Variants in BMPR1B observed in about 807,000 individuals in gnomAD.
BMPR1B encodes bone morphogenetic protein receptor type 1B, also known as bone morphogenetic protein receptor type-1B.
Under a neutral mutation model 59.1 loss-of-function variants are expected in BMPR1B, and 12 were observed. That is an observed-to-expected ratio of 0.20 (90% CI 0.13 to 0.33). The LOEUF is 0.33. Among genes scored for constraint, BMPR1B ranks in the 10% least tolerant of loss-of-function variants. BMPR1B has a pLI of 1.00. For missense variants in BMPR1B, 550 were observed against 610.9 expected (o/e 0.90, Z 1.05); for synonymous variants, 237 against 207.3 (o/e 1.14, Z -1.23).
At chr4:95,100,157 G>A (rs190104299) in intron 3 of BMPR1B, among the ~76,000 whole-genome samples, 1 of 151,962 alleles carries the variant, frequency 6.6e-6, no homozygotes, top group Non-Finnish European at 1.5e-5. Flanking sequence ...CTCTTGGGAT[G>A]GATCTACCAT....
intron 1 of BMPR1B, among the ~76,000 whole-genome samples, chr4:94,834,533 A>AT (rs2044162974): frequency 6.6e-6 from 1 of 151,502 alleles, no homozygotes; most frequent in South Asian, 2.1e-4. Context: ...ACTCTTCAAG[A>AT]TTTTTTCTGG....
intron 10 of BMPR1B, among the ~76,000 whole-genome samples, chr4:95,143,131 C>T (rs1734373624): frequency 1.3e-5 from 2 of 152,174 alleles, no homozygotes; most frequent in Non-Finnish European, 2.9e-5. Context: ...CAAGCAGCCC[C>T]ATGACTTCCC....
At chr4:95,069,396 C>G (rs999013840) in intron 3 of BMPR1B, among the ~76,000 whole-genome samples, 1 of 152,248 alleles carries the variant, frequency 6.6e-6, no homozygotes, top group Non-Finnish European at 1.5e-5. Flanking sequence ...CAAACTGGCA[C>G]CTGTTACTCT....
chr4:94,809,280 C>T (rs1253602493), intron 1 of BMPR1B, among the ~76,000 whole-genome samples: 1 of 152,136 alleles, frequency 6.6e-6, no homozygotes, highest in Non-Finnish European at 1.5e-5. Flanking sequence ...TGAACAGTTT[C>T]TTGCTTCATC....
Position 94,891,284 on chromosome 4 carries a change from A to G in BMPR1B, c.-113+15384A>G, listed in dbSNP as rs1186178712. Reference sequence around the variant, plus strand: ...CAATAAAACTTGGTTCTATGAAACAATCACATCCTCTTTTGAATATTATGA... The same window carrying G: ...CAATAAAACTTGGTTCTATGAAACAGTCACATCCTCTTTTGAATATTATGA... On this transcript the variant is annotated intron_variant, in intron 2 of 12. Coordinates refer to ENST00000515059, the MANE Select transcript of BMPR1B (RefSeq NM_001203.3). Among the ~76,000 whole-genome samples the G allele has an allele frequency of 5.3e-5, 8 of 152,100 alleles. No individual in the cohort carries two copies. The East Asian group carries it at 7.7e-4, about 15-fold the overall frequency.
intron 2 of BMPR1B, among the ~76,000 whole-genome samples, chr4:94,994,079 G>A (rs573314681): frequency 5.3e-5 from 8 of 152,216 alleles, no homozygotes; most frequent in Admixed American, 3.3e-4. Context: ...GTGAAAATTT[G>A]TATATGTCAA....
chr4:94,923,836 T>C (rs1728789142), intron 2 of BMPR1B, among the ~76,000 whole-genome samples: 1 of 152,068 alleles, frequency 6.6e-6, no homozygotes, highest in South Asian at 2.1e-4. Flanking sequence ...CAAAGATAAT[T>C]TGGGTTCTAG....
At chr4:94,952,493 A>G (rs1241756620) in intron 2 of BMPR1B, among the ~76,000 whole-genome samples, 1 of 152,058 alleles carries the variant, frequency 6.6e-6, no homozygotes, top group Non-Finnish European at 1.5e-5. Flanking sequence ...GAACTTATTT[A>G]TTTCTGCCTT....
At chr4:94,956,740 A>G (rs931461300) in intron 2 of BMPR1B, among the ~76,000 whole-genome samples, 2 of 152,104 alleles carry the variant, frequency 1.3e-5, no homozygotes, top group African/African-American at 4.8e-5. Flanking sequence ...CATCAGTAGT[A>G]TTTTTGGCAG....
intron 1 of BMPR1B, among the ~76,000 whole-genome samples, chr4:94,770,701 C>A (rs1167003012): frequency 1.3e-5 from 2 of 151,904 alleles, no homozygotes; most frequent in African/African-American, 2.4e-5. Context: ...AAAATAATTC[C>A]TTTTTTCACT....
intron 1 of BMPR1B, among the ~76,000 whole-genome samples, chr4:94,805,864 T>G (rs1578664552): frequency 6.6e-6 from 1 of 152,098 alleles, no homozygotes; most frequent in East Asian, 1.9e-4. Flanking sequence ...AGCTGAAAAG[T>G]TATATATAGA....
At chr4:94,763,029 TC>T (rs2110558217) in intron 1 of BMPR1B, among the ~76,000 whole-genome samples, 1 of 152,232 alleles carries the variant, frequency 6.6e-6, no homozygotes, top group African/African-American at 2.4e-5. Flanking sequence ...GCTGCAAGCT[TC>T]TTCCACGTGA....
chr4:95,052,128 T>G (rs951144792), intron 3 of BMPR1B, among the ~76,000 whole-genome samples: 7 of 152,220 alleles, frequency 4.6e-5, no homozygotes, highest in African/African-American at 1.7e-4. Context: ...CTGATTATTT[T>G]AGCTTGAATA....
intron 4 of BMPR1B, among the ~76,000 whole-genome samples, chr4:95,113,658 G>A (rs926421009): frequency 1.7e-4 from 26 of 152,232 alleles, no homozygotes; most frequent in African/African-American, 6.0e-4. Flanking sequence ...GAGTCTGCTG[G>A]CATTCATCAC....
At chr4:94,801,436 A>C (rs970847244) in intron 1 of BMPR1B, among the ~76,000 whole-genome samples, 1 of 152,164 alleles carries the variant, frequency 6.6e-6, no homozygotes, top group African/African-American at 2.4e-5. Flanking sequence ...ACCAAAGAGA[A>C]ATCACCGTCA....
chr4:94,882,325 A>G (rs1037175158), intron 2 of BMPR1B, among the ~76,000 whole-genome samples: 7 of 152,212 alleles, frequency 4.6e-5, no homozygotes, highest in Admixed American at 2.0e-4. Context: ...TTATGTTTTC[A>G]TATGGGAACA....
At chr4:94,768,073 C>T (rs910506140) in intron 1 of BMPR1B, among the ~76,000 whole-genome samples, 4 of 151,728 alleles carry the variant, frequency 2.6e-5, no homozygotes, top group Admixed American at 6.6e-5. Context: ...GGCAGATAAT[C>T]CAAAACTTCT....
intron 1 of BMPR1B, among the ~76,000 whole-genome samples, chr4:94,842,228 A>G (rs1249316185): frequency 1.3e-5 from 2 of 152,248 alleles, no homozygotes; most frequent in African/African-American, 4.8e-5. Flanking sequence ...TCTTTGGAGT[A>G]AAATGAATGA....
At chr4:94,956,834 C>T (rs1373762455) in intron 2 of BMPR1B, among the ~76,000 whole-genome samples, 4 of 151,822 alleles carry the variant, frequency 2.6e-5, no homozygotes, top group African/African-American at 9.7e-5. Context: ...CAAAAAGGCT[C>T]AGTTTCAGTG....
Sources: allele counts gnomAD v4.1 joint callset (sites outside exome capture counted in the v4.1 genomes callset), GRCh38; gene constraint gnomAD v4.1.1; transcripts MANE v1.5; gene names NCBI Gene and HGNC (gene_info 2026-07-23, HGNC 2026-07-21).